Variants in DPYS observed in about 807,000 individuals in gnomAD.
The protein encoded by DPYS is dihydropyrimidinase.
A neutral mutation model predicts 50.3 loss-of-function variants in DPYS; 39 were observed. The observed-to-expected ratio is 0.78, with a 90% CI of 0.60 to 1.01. The LOEUF (loss-of-function observed/expected upper bound fraction) is 1.01. DPYS is among the 50% of genes least tolerant of loss of function. The probability of loss-of-function intolerance (pLI) is 0.00; values close to 1 mark genes in which losing one functional copy is unlikely to be tolerated. For missense variants in DPYS, 659 were observed against 680.9 expected (o/e 0.97, Z 0.36); for synonymous variants, 245 against 250.7 (o/e 0.98, Z 0.22).
chr8:104,383,569 T>C (rs537804657), intron 8 of DPYS, among the ~76,000 whole-genome samples: 2 of 150,992 alleles, frequency 1.3e-5, no homozygotes, highest in African/African-American at 4.8e-5. Context: ...GGCTCTTTTG[T>C]TGTGCTGCAT....
intron 4 of DPYS, among the ~76,000 whole-genome samples, chr8:104,431,150 A>G (rs1564100711): frequency 6.6e-6 from 1 of 152,154 alleles, no homozygotes; most frequent in Non-Finnish European, 1.5e-5. Flanking sequence ...AGGATTTTCC[A>G]TGGTGCTTTA....
intron 8 of DPYS, among the ~76,000 whole-genome samples, chr8:104,391,356 C>T (rs533083730): frequency 6.6e-6 from 1 of 152,146 alleles, no homozygotes; most frequent in Non-Finnish European, 1.5e-5. Flanking sequence ...CCAAGGGTGG[C>T]AAACACTACC....
At chr8:104,460,038 G>A (rs1814070168) in intron 1 of DPYS, among the ~76,000 whole-genome samples, 1 of 152,076 alleles carries the variant, frequency 6.6e-6, no homozygotes, top group African/African-American at 2.4e-5. Flanking sequence ...ATATATGTAT[G>A]TGAATTTTTT....
rs192493543 is a variant in DPYS at position 104,435,829 on chromosome 8, G to A, written c.794-6128C>T. On this transcript the variant is annotated intron_variant, in intron 4 of 9. Transcript: ENST00000351513. ...GGAAAGAATCCAGAGCTGTACTGGGGTTGAAAGAAGGATCATGGCTGACCG... is the reference window on the plus strand; with the variant it reads ...GGAAAGAATCCAGAGCTGTACTGGGATTGAAAGAAGGATCATGGCTGACCG... 8.4e-4 allele frequency among the ~76,000 whole-genome samples: 128 copies of A among 152,304 alleles called. 1 individual carries two copies. In the South Asian group the frequency reaches 0.011, roughly 13 times the overall value.
chr8:104,438,541 C>G (rs544802322), intron 4 of DPYS, among the ~76,000 whole-genome samples: 3 of 152,288 alleles, frequency 2.0e-5, no homozygotes. Flanking sequence ...CTAACTTGCA[C>G]TGCAAGTTAG....
intron 7 of DPYS, among the ~76,000 whole-genome samples, chr8:104,395,487 C>A (rs1432604709): frequency 6.6e-6 from 1 of 152,200 alleles, no homozygotes; most frequent in Non-Finnish European, 1.5e-5. Context: ...ATCCCTAACA[C>A]CTGGCAACCA....
At chr8:104,397,439 A>T (rs1811632799) in intron 7 of DPYS, among the ~76,000 whole-genome samples, 1 of 152,180 alleles carries the variant, frequency 6.6e-6, no homozygotes, top group African/African-American at 2.4e-5. Context: ...GTTGGTTTAA[A>T]TTCCTGCCTC....
chr8:104,394,652 G>T lies in DPYS; in HGVS notation c.1236-1661C>A, dbSNP rs558846656. Among the ~76,000 whole-genome samples, 221 of 151,736 alleles carry T rather than the reference G, an allele frequency of 1.5e-3. 1 individual carries two copies. The highest frequency in any genetic ancestry group is 5.1e-3 in the African/African-American group (210 of 41,348). ...CACTCTCCACAAAGCTGCTCAAATT[G>T]TCTTTTAAAAATGAAGATCAGATCA... On this transcript the variant is annotated intron_variant, in intron 7 of 9. Coordinates refer to ENST00000351513, the MANE Select transcript of DPYS (RefSeq NM_001385.3).
chr8:104,415,805 A>G (rs1457370346), intron 7 of DPYS, among the ~76,000 whole-genome samples: 1 of 152,194 alleles, frequency 6.6e-6, no homozygotes, highest in East Asian at 1.9e-4. Context: ...GAGTTTTTAT[A>G]TGAAATATAA....
intron 7 of DPYS, among the ~76,000 whole-genome samples, chr8:104,401,785 G>A (rs936784920): frequency 2.2e-4 from 33 of 152,144 alleles, no homozygotes; most frequent in Non-Finnish European, 3.8e-4. Flanking sequence ...TAAATGGGGA[G>A]CAAAGCAGCC....
At chr8:104,442,280 C>T (rs948784853) in intron 4 of DPYS, among the ~76,000 whole-genome samples, 14 of 152,188 alleles carry the variant, frequency 9.2e-5, no homozygotes, top group African/African-American at 3.4e-4. Flanking sequence ...TAGACTTTTA[C>T]TTTGCTCCTA....
At chr8:104,386,706 C>A (rs556641585) in intron 8 of DPYS, among the ~76,000 whole-genome samples, 1 of 151,710 alleles carries the variant, frequency 6.6e-6, no homozygotes, top group South Asian at 2.1e-4. Flanking sequence ...CAGCTCACTG[C>A]AACCTCCGCC....
At chr8:104,447,269 C>T in intron 3 of DPYS, 55 bp downstream of exon 3, 1 of 1,603,196 alleles carries the variant, frequency 6.2e-7, no homozygotes. Context: ...ATCATCTTCA[C>T]CTTATGTTAT....
chr8:104,449,566 C>A (rs761167439), intron 2 of DPYS, among the ~76,000 whole-genome samples: 2 of 152,158 alleles, frequency 1.3e-5, no homozygotes, highest in Non-Finnish European at 2.9e-5. Context: ...AAGTCCTAAC[C>A]CCTTGTTTGG....
intron 3 of DPYS, 29 bp from the exon 4 acceptor site, chr8:104,444,466 T>A: frequency 6.2e-7 from 1 of 1,613,262 alleles, no homozygotes. Flanking sequence ...TGTGTATATG[T>A]GCAAGGAAGG....
rs780444331 is a variant in DPYS, at chr8:104,444,337, G to A, written c.704C>T (p.Thr235Ile). The A allele has an allele frequency of 1.9e-6, 3 of 1,614,240 alleles. No homozygotes were observed. Among genetic ancestry groups the A allele is most frequent in the Non-Finnish European group, 2.5e-6 (3 of 1,180,042 alleles). ...VEAEATLRAITIASAVNCPLY... is the reference protein window; with the variant it reads ...VEAEATLRAIIIASAVNCPLY... ...AGGACAGTTCACAGCGCTGGCTATG[G>A]TGATGGCTCTCAGCGTGGCCTCTGC... Residue 235 changes from threonine to isoleucine, a missense_variant, in exon 4 of 10, where the codon ACC becomes ATC. Transcript: ENST00000351513.
intron 6 of DPYS, among the ~76,000 whole-genome samples, chr8:104,426,546 T>A (rs1436480959): frequency 6.6e-6 from 1 of 152,206 alleles, no homozygotes. Flanking sequence ...ACTTGGTGAA[T>A]AATTCATTAG....
At chr8:104,406,290 A>G (rs1811993369) in intron 7 of DPYS, among the ~76,000 whole-genome samples, 1 of 152,180 alleles carries the variant, frequency 6.6e-6, no homozygotes, top group South Asian at 2.1e-4. Flanking sequence ...AACCTCTCTG[A>G]ACCTCTGTTG....
intron 1 of DPYS, among the ~76,000 whole-genome samples, chr8:104,458,859 T>C (rs1197595728): frequency 6.6e-6 from 1 of 152,226 alleles, no homozygotes; most frequent in Non-Finnish European, 1.5e-5. Context: ...CCAAAGTTCA[T>C]TACCAAAGCA....
Sources: gnomAD v4.1 joint callset for allele counts (sites outside exome capture counted in the v4.1 genomes callset) on GRCh38, gnomAD v4.1.1 for gene constraint, MANE v1.5 for transcripts, NCBI Gene and HGNC (gene_info 2026-07-23, HGNC 2026-07-21) for gene names.